Variants in CHSY3 observed in about 807,000 individuals in gnomAD.
CHSY3 encodes chondroitin sulfate synthase 3.
In CHSY3, 35 loss-of-function variants were observed where a neutral mutation model predicts 67.2. That is an observed-to-expected ratio of 0.52 (90% CI 0.40 to 0.69). The LOEUF is 0.69. Ranked by LOEUF, CHSY3 falls within the 30% of genes least tolerant of loss-of-function variation. The probability of loss-of-function intolerance (pLI) is 0.00; values close to 1 mark genes in which losing one functional copy is unlikely to be tolerated. For synonymous variants in CHSY3, 474 were observed against 434.7 expected, an observed-to-expected ratio of 1.09 and a Z score of -1.12; for missense variants, 1,069 against 1,138.5, an observed-to-expected ratio of 0.94 and a Z score of 0.88.
At chr5:130,011,935 CA>C (rs1764073145) in intron 2 of CHSY3, among the ~76,000 whole-genome samples, 1 of 152,116 alleles carries the variant, frequency 6.6e-6, no homozygotes, top group African/African-American at 2.4e-5. Flanking sequence ...ACAAGAATTA[CA>C]AAACACTGTC....
chr5:129,978,076 A>C (rs1187236785), intron 2 of CHSY3, among the ~76,000 whole-genome samples: 1 of 152,146 alleles, frequency 6.6e-6, no homozygotes, highest in African/African-American at 2.4e-5. Context: ...TAAATGTGTT[A>C]ATTAATTACT....
intron 2 of CHSY3, among the ~76,000 whole-genome samples, chr5:130,092,092 A>G (rs1195560313): frequency 6.6e-6 from 1 of 152,116 alleles, no homozygotes; most frequent in Non-Finnish European, 1.5e-5. Context: ...GAAGGCCCAC[A>G]GTGTTTACTC....
At chr5:130,121,273 C>G (rs1175324501) in intron 2 of CHSY3, among the ~76,000 whole-genome samples, 1 of 152,198 alleles carries the variant, frequency 6.6e-6, no homozygotes. Flanking sequence ...ATAGGGGCTG[C>G]ATGAATAAAT....
chr5:130,011,944 G>C (rs1012626034), intron 2 of CHSY3, among the ~76,000 whole-genome samples: 5 of 152,138 alleles, frequency 3.3e-5, no homozygotes, highest in Non-Finnish European at 5.9e-5. Flanking sequence ...ACAAAACACT[G>C]TCCAAAGAAA....
intron 2 of CHSY3, among the ~76,000 whole-genome samples, chr5:129,949,638 G>A (rs1487270817): frequency 6.6e-6 from 1 of 152,062 alleles, no homozygotes; most frequent in Non-Finnish European, 1.5e-5. Context: ...TGACACCAAA[G>A]CCAAGATGAG....
At chr5:130,070,839 A>C (rs981314592) in intron 2 of CHSY3, among the ~76,000 whole-genome samples, 5 of 152,088 alleles carry the variant, frequency 3.3e-5, no homozygotes, top group Admixed American at 2.6e-4. Context: ...AGGAATAAAC[A>C]CAGTAAGAAC....
intron 2 of CHSY3, among the ~76,000 whole-genome samples, chr5:130,098,241 A>G (rs1057169006): frequency 4.6e-5 from 7 of 152,206 alleles, no homozygotes; most frequent in South Asian, 2.1e-4. Flanking sequence ...ATCTCTGCCA[A>G]CCTTCAATCT....
intron 2 of CHSY3, among the ~76,000 whole-genome samples, chr5:130,112,843 T>G (rs1767631800): frequency 6.6e-6 from 1 of 152,132 alleles, no homozygotes; most frequent in Non-Finnish European, 1.5e-5. Flanking sequence ...CACTATGCCT[T>G]TGACCACAAC....
intron 2 of CHSY3, among the ~76,000 whole-genome samples, chr5:130,065,680 G>C (rs1411391322): frequency 6.6e-6 from 1 of 152,060 alleles, no homozygotes; most frequent in East Asian, 1.9e-4. Context: ...TAGCACTACT[G>C]TGTCACCAGT....
intron 2 of CHSY3, among the ~76,000 whole-genome samples, chr5:130,031,273 A>G (rs1158424940): frequency 2.0e-5 from 3 of 152,068 alleles, no homozygotes; most frequent in Non-Finnish European, 4.4e-5. Context: ...AAGGAGTTAT[A>G]TTATTAGACT....
At position 130,121,041 on chromosome 5, in the gene CHSY3, G is replaced by A. The variant is rs561772730; in HGVS notation, c.1087-63188G>A. On this transcript the variant is annotated intron_variant, in intron 2 of 2. Coordinates refer to ENST00000305031, the MANE Select transcript of CHSY3 (RefSeq NM_175856.5). ...TTTTCAATGTGTGCCCTACTGTTCCGTTTGGGCTGGCTGTGGCCCTGACTC... is the reference window on the plus strand; with the variant it reads ...TTTTCAATGTGTGCCCTACTGTTCCATTTGGGCTGGCTGTGGCCCTGACTC... Among the ~76,000 whole-genome samples, 3 of 152,246 alleles carry A rather than the reference G, an allele frequency of 2.0e-5. No homozygotes were observed. The East Asian group carries it at 5.8e-4, about 29-fold the overall frequency.
chr5:130,109,522 A>G (rs1290068334), intron 2 of CHSY3, among the ~76,000 whole-genome samples: 1 of 151,784 alleles, frequency 6.6e-6, no homozygotes, highest in African/African-American at 2.4e-5. Flanking sequence ...TAAAATCTTT[A>G]CACATCTACA....
At chr5:130,127,942 T>C (rs1013376039) in intron 2 of CHSY3, among the ~76,000 whole-genome samples, 1 of 152,192 alleles carries the variant, frequency 6.6e-6, no homozygotes, top group Non-Finnish European at 1.5e-5. Flanking sequence ...AGGAAGTATG[T>C]ACCTAAATTA....
At chr5:130,110,124 A>T (rs562923769) in intron 2 of CHSY3, among the ~76,000 whole-genome samples, 1 of 151,836 alleles carries the variant, frequency 6.6e-6, no homozygotes, top group South Asian at 2.1e-4. Flanking sequence ...TGCTTCTGAA[A>T]TTTTTTCCTG....
intron 2 of CHSY3, among the ~76,000 whole-genome samples, chr5:130,111,781 C>T (rs954703274): frequency 6.6e-6 from 1 of 151,822 alleles, no homozygotes; most frequent in Non-Finnish European, 1.5e-5. Context: ...TTTCAGCCAC[C>T]TGGAAATAAA....
intron 2 of CHSY3, among the ~76,000 whole-genome samples, chr5:129,963,644 G>A (rs1415675209): frequency 6.6e-6 from 1 of 151,960 alleles, no homozygotes; most frequent in East Asian, 1.9e-4. Context: ...GCCCAGAGCT[G>A]CACTTTACAG....
chr5:130,160,668 G>C (rs1769504504), intron 2 of CHSY3, among the ~76,000 whole-genome samples: 2 of 152,198 alleles, frequency 1.3e-5, no homozygotes, highest in Non-Finnish European at 2.9e-5. Context: ...CCTAACATTA[G>C]CCAGAAGGGA....
chr5:130,068,907 T>C (rs10478908), intron 2 of CHSY3, among the ~76,000 whole-genome samples: 12,810 of 152,166 alleles, frequency 0.084, 1,761 homozygotes, highest in African/African-American at 0.29. Context: ...TACAAAGTCT[T>C]GTAGCAGAGT....
At chr5:130,093,204 A>G (rs1208957281) in intron 2 of CHSY3, among the ~76,000 whole-genome samples, 4 of 152,214 alleles carry the variant, frequency 2.6e-5, no homozygotes, top group Non-Finnish European at 4.4e-5. Context: ...AAATACAAAG[A>G]TGAAAAAGGT....
Sources: gnomAD v4.1 joint callset for allele counts (sites outside exome capture counted in the v4.1 genomes callset) on GRCh38, gnomAD v4.1.1 for gene constraint, MANE v1.5 for transcripts, NCBI Gene and HGNC (gene_info 2026-07-23, HGNC 2026-07-21) for gene names.